The following TMF1 variants were observed in gnomAD, a reference collection of about 807,000 sequenced individuals.
The protein encoded by TMF1 is TATA element modulatory factor.
Under a neutral mutation model 126.5 loss-of-function variants are expected in TMF1, and 71 were observed. The ratio of observed to expected loss-of-function variants is 0.56; its 90% CI spans 0.46 to 0.68. The LOEUF is 0.68. TMF1 is among the 30% of genes least tolerant of loss of function. The probability of loss-of-function intolerance (pLI) is 0.00; values close to 1 mark genes in which losing one functional copy is unlikely to be tolerated. For synonymous variants in TMF1, 461 were observed against 430.5 expected (o/e 1.07, Z -0.88); for missense variants, 1,259 against 1,253.2 (o/e 1.00, Z -0.07).
chr3:69,037,322 A>G (rs6549177), intron 8 of TMF1, among the ~76,000 whole-genome samples: 149,916 of 152,122 alleles, frequency 0.99, 73,911 homozygotes, highest in Non-Finnish European at 1. Flanking sequence ...CTGAAACCCC[A>G]TGTCTACTAA....
intron 5 of TMF1, among the ~76,000 whole-genome samples, chr3:69,039,901 G>T (rs1383385836): frequency 1.3e-5 from 2 of 152,066 alleles, no homozygotes; most frequent in African/African-American, 4.8e-5. Context: ...ATATTGACAC[G>T]GTCTTAAAGA....
At position 69,047,863 on chromosome 3, in the gene TMF1, T is replaced by G; in HGVS notation, c.842A>C (p.Asp281Ala). 6.2e-7 allele frequency: 1 copy of G among 1,614,018 alleles called. No homozygotes were observed. Residue 281 changes from aspartate (D) to alanine (A), a missense_variant, in exon 2 of 17, where the codon GAT becomes GCT. Transcript: ENST00000398559. ...SSASSRQETTDSKSSLHLMQT... is the reference protein window; with the variant it reads ...SSASSRQETTASKSSLHLMQT... ...CATCAAGTGAAGACTTGATTTTGAA[T>G]CTGTAGTCTCTTGTCTCGAGCTCGC...
Position 69,022,421 on chromosome 3 carries a change from CA to C in TMF1, c.*755del, listed in dbSNP as rs2091743744. The C allele has an allele frequency of 6.6e-6, 1 of 152,454 alleles. No homozygotes were observed. Among genetic ancestry groups the C allele is most frequent in the South Asian group, 2.1e-4 (1 of 4,834 alleles). 9.4% of individuals were successfully genotyped at this position (152,454 alleles called of 1,614,324 possible). Reference sequence around the variant, plus strand: ...CATTTAAATGTTATTGATGCCATTGCAAAATCATTATAAATAAATTTTCTCC... The same window carrying C: ...CATTTAAATGTTATTGATGCCATTGCAAATCATTATAAATAAATTTTCTCC... On this transcript the variant is annotated 3_prime_UTR_variant, in exon 17 of 17. Transcript: ENST00000398559.
At chr3:69,051,813 A>C in intron 1 of TMF1, 132 bp downstream of exon 1, 1 of 1,094,172 alleles carries the variant, frequency 9.1e-7, no homozygotes, top group Non-Finnish European at 1.3e-6. Context: ...GCATTAGGGA[A>C]CGGGCCGGGG....
At chr3:69,036,844 G>A (rs183679456) in intron 8 of TMF1, among the ~76,000 whole-genome samples, 2 of 152,146 alleles carry the variant, frequency 1.3e-5, no homozygotes, top group Non-Finnish European at 2.9e-5. Flanking sequence ...AACTGATGAA[G>A]ATCTGCATAA....
In TMF1 at chr3:69,038,717, T is replaced by A. The variant is rs768804033; in HGVS notation, c.1998A>T (p.Glu666Asp). 1.9e-6 allele frequency: 3 copies of A among 1,603,648 alleles called. No individual in the cohort carries two copies. The Admixed American group carries it at 5.3e-5, about 28-fold the overall frequency. Residue 666 changes from glutamate (E) to aspartate (D), a missense_variant, in exon 8 of 17, where the codon GAA becomes GAT. Transcript: ENST00000398559. Reference sequence around the variant, plus strand: ...CATTGGCTTTGTGAAGATCAGTAAGTTCTCTTAAAAAATTAGATTGAGTTT... The same window carrying A: ...CATTGGCTTTGTGAAGATCAGTAAGATCTCTTAAAAAATTAGATTGAGTTT... ...IQAALDSAYK[E>D]LTDLHKANAA...
intron 7 of TMF1, 48 bp downstream of exon 7, chr3:69,038,795 C>A (rs190278169): frequency 6.3e-7 from 1 of 1,587,782 alleles, no homozygotes; most frequent in South Asian, 1.1e-5. Context: ...CAACATCCTA[C>A]TCTGATAATT....
rs758776241 is a variant in TMF1 at position 69,029,971 on chromosome 3, C to T, written c.2438G>A (p.Arg813Lys). 2.5e-6 allele frequency: 4 copies of T among 1,613,982 alleles called. No homozygotes were observed. Among genetic ancestry groups the T allele is most frequent in the Non-Finnish European group, 3.4e-6 (4 of 1,179,930 alleles). ...GAGTTCTTCTGTAGCTGCACGTTCTCTCTCAACTGCTGCTGCCAGCAAGGT... is the reference window on the plus strand; with the variant it reads ...GAGTTCTTCTGTAGCTGCACGTTCTTTCTCAACTGCTGCTGCCAGCAAGGT... ...SQTLLAAAVE[R>K]ERAATEELLA... The change falls in exon 11 of 17, where the codon AGA (arginine) becomes AAA (lysine). Residue 813 changes from arginine to lysine, a missense_variant. By Grantham distance (26) the Arg-to-Lys change is conservative (BLOSUM62 2). Coordinates refer to ENST00000398559, the MANE Select transcript of TMF1 (RefSeq NM_007114.3).
Position 69,052,075 on chromosome 3 carries a change from G to T in TMF1, c.12C>A (p.Phe4Leu). Reference protein sequence around the residue: MSWFNASQLSSFAK... With the variant: MSWLNASQLSSFAK... ...CGAAGCTGGAGAGCTGGGAGGCGTT[G>T]AACCAACTCATCGCCCCTCCTCAGC... Residue 4 changes from phenylalanine to leucine, a missense_variant, in exon 1 of 17, where the codon TTC becomes TTA. Transcript: ENST00000398559. The T allele has an allele frequency of 1.2e-6, 2 of 1,611,544 alleles. No homozygotes were observed. The highest frequency in any genetic ancestry group is 3.4e-5 in the Admixed American group (2 of 59,684).
In TMF1 at chr3:69,051,968, T is replaced by A; in HGVS notation, c.119A>T (p.Glu40Val). 1 of 1,613,974 alleles carries A rather than the reference T, an allele frequency of 6.2e-7. No individual in the cohort carries two copies. Among genetic ancestry groups the A allele is most frequent in the Non-Finnish European group, 8.5e-7 (1 of 1,179,924 alleles). The change falls in exon 1 of 17, where the codon GAG (glutamate) becomes GTG (valine). Residue 40 changes from glutamate to valine, a missense_variant. Glu to Val is a moderately radical substitution (Grantham distance 121). Coordinates refer to ENST00000398559, the MANE Select transcript of TMF1 (RefSeq NM_007114.3). ...IQEEEPSIWA[E>V]TIPYGEPGIS... ...ACCCGGCTCTCCATACGGAATGGTC[T>A]CGGCCCAGATGCTCGGCTCCTCTTC...
Position 69,047,794 on chromosome 3 carries a change from T to C in TMF1, c.911A>G (p.Tyr304Cys), listed in dbSNP as rs776170016. 2.1e-5 allele frequency: 34 copies of C among 1,613,984 alleles called. No homozygotes were observed. The South Asian group carries it at 3.5e-4, about 17-fold the overall frequency. ...QLLSASACPE[Y>C]NRLDDFQKLT... is the part of the protein sequence containing the mutation. ...TTTTTGGAAATCATCTAAACGATTA[T>C]ATTCAGGACAAGCAGATGCAGAGAG... is the stretch of plus-strand genomic sequence containing the variant. The change falls in exon 2 of 17, where the codon TAT (tyrosine) becomes TGT (cysteine). Residue 304 changes from tyrosine to cysteine, a missense_variant. By Grantham distance (194) the Tyr-to-Cys change is radical. Transcript: ENST00000398559.
intron 8 of TMF1, among the ~76,000 whole-genome samples, chr3:69,038,019 T>A (rs1349131883): frequency 1.3e-5 from 2 of 152,162 alleles, no homozygotes; most frequent in Non-Finnish European, 2.9e-5. Flanking sequence ...GTTAAATATA[T>A]AGAGTTACCA....
intron 13 of TMF1, among the ~76,000 whole-genome samples, chr3:69,026,916 T>C (rs1038388908): frequency 2.0e-5 from 3 of 152,212 alleles, no homozygotes; most frequent in Non-Finnish European, 4.4e-5. Context: ...TAAATTTACC[T>C]ATCGGTAGTT....
intron 9 of TMF1, 25 bp from the exon 10 acceptor site, chr3:69,033,729 T>C: frequency 6.3e-7 from 1 of 1,576,460 alleles, no homozygotes; most frequent in Non-Finnish European, 8.6e-7. Context: ...TCTGAAGTCA[T>C]TACCAATGAC....
At chr3:69,044,456 A>T (rs1480585940) in intron 3 of TMF1, 36 bp downstream of exon 3, 1 of 1,217,812 alleles carries the variant, frequency 8.2e-7, no homozygotes, top group South Asian at 1.4e-5. Context: ...GTTTCCAGAA[A>T]ATGTGTAACA....
In TMF1 at chr3:69,048,386, G is replaced by C. The variant is rs1400187245; in HGVS notation, c.319C>G (p.Gln107Glu). Residue 107 changes from glutamine to glutamate, a missense_variant, in exon 2 of 17, where the codon CAG becomes GAG. Gln to Glu is a conservative substitution (Grantham distance 29). Coordinates refer to ENST00000398559, the MANE Select transcript of TMF1 (RefSeq NM_007114.3). The stretch of plus-strand genomic sequence containing the variant: ...ACCACTGGACTCTTCTGAATGGTCT[G>C]GACATCAGTTGGCGAGAGAAAGGCA... ...FSAFLSPTDV[Q>E]TIQKSPVVSK... 6 of 1,614,096 alleles carry C rather than the reference G, an allele frequency of 3.7e-6. No individual in the cohort carries two copies. In the East Asian group the frequency reaches 1.3e-4, roughly 36 times the overall value.
In TMF1 at chr3:69,020,649, C is replaced by A. The variant is rs1185260097; in HGVS notation, c.*2528G>T. On this transcript the variant is annotated 3_prime_UTR_variant, in exon 17 of 17. Coordinates refer to ENST00000398559, the MANE Select transcript of TMF1 (RefSeq NM_007114.3). Reference sequence around the variant, plus strand: ...TATTCAATAGGTATTCTGCCACCTACTGGAGTTTTTCAAGAAACTGTTTAA... The same window carrying A: ...TATTCAATAGGTATTCTGCCACCTAATGGAGTTTTTCAAGAAACTGTTTAA... 1 of 152,232 alleles carries A rather than the reference C, an allele frequency of 6.6e-6. No individual in the cohort carries two copies. The highest frequency in any genetic ancestry group is 2.4e-5 in the African/African-American group (1 of 41,556). 9.4% of individuals were successfully genotyped at this position (152,232 alleles called of 1,614,324 possible).
Position 69,026,108 on chromosome 3 carries a change from A to G in TMF1, c.2758-11T>C. ...AAATGGCTTGCGTTCCTTAGGGAGT[A>G]AAAAAAATTCTGTTCATATTAAAGA... On this transcript the variant is annotated splice_polypyrimidine_tract_variant and intron_variant, in intron 13 of 16. Coordinates refer to ENST00000398559, the MANE Select transcript of TMF1 (RefSeq NM_007114.3). The G allele has an allele frequency of 1.3e-6, 2 of 1,580,494 alleles. No individual in the cohort carries two copies. Among genetic ancestry groups the G allele is most frequent in the Non-Finnish European group, 1.7e-6 (2 of 1,152,252 alleles).
chr3:69,040,940 T>C (rs1220926183), intron 5 of TMF1, among the ~76,000 whole-genome samples: 2 of 151,774 alleles, frequency 1.3e-5, no homozygotes, highest in African/African-American at 4.8e-5. Flanking sequence ...AAAAAAAATT[T>C]TTCTGGGGCA....
Sources: allele counts gnomAD v4.1 joint callset (sites outside exome capture counted in the v4.1 genomes callset), GRCh38; gene constraint gnomAD v4.1.1; transcripts MANE v1.5; gene names NCBI Gene and HGNC (gene_info 2026-07-23, HGNC 2026-07-21).